Variants in LRRC4C observed in about 807,000 individuals in gnomAD.
LRRC4C encodes the protein leucine rich repeat containing 4C, also known as leucine-rich repeat-containing protein 4C.
A neutral mutation model predicts 33.6 loss-of-function variants in LRRC4C; 5 were observed. The observed-to-expected ratio is 0.15, with a 90% CI of 0.08 to 0.31. The LOEUF (loss-of-function observed/expected upper bound fraction) is 0.31. Among genes scored for constraint, LRRC4C ranks in the 10% least tolerant of loss-of-function variants. The probability of loss-of-function intolerance (pLI) is 1.00; values close to 1 mark genes in which losing one functional copy is unlikely to be tolerated. For missense variants in LRRC4C, 560 were observed against 796.7 expected (o/e 0.70, Z 3.58); for synonymous variants, 329 against 302.0 (o/e 1.09, Z -0.93).
intron 1 of LRRC4C, among the ~76,000 whole-genome samples, chr11:41,038,855 G>A (rs996262): frequency 6.6e-6 from 1 of 151,920 alleles, no homozygotes; most frequent in Non-Finnish European, 1.5e-5. Flanking sequence ...GAAAAAACAA[G>A]AGGAAAGAGA....
At chr11:40,135,673 A>G (rs1856920780) in intron 6 of LRRC4C, among the ~76,000 whole-genome samples, 1 of 152,144 alleles carries the variant, frequency 6.6e-6, no homozygotes, top group South Asian at 2.1e-4. Flanking sequence ...TTTTCCCACC[A>G]TGTCTTTATT....
At chr11:41,168,901 G>A (rs1359535666) in intron 1 of LRRC4C, among the ~76,000 whole-genome samples, 1 of 152,122 alleles carries the variant, frequency 6.6e-6, no homozygotes, top group African/African-American at 2.4e-5. Context: ...AAGCAGATTT[G>A]AGACAGAAGT....
At chr11:41,190,444 G>A (rs1243518282) in intron 1 of LRRC4C, among the ~76,000 whole-genome samples, 1 of 152,094 alleles carries the variant, frequency 6.6e-6, no homozygotes, top group African/African-American at 2.4e-5. Flanking sequence ...AACATCTCTC[G>A]GGCAGGGTTT....
chr11:41,345,020 A>T (rs969372340), intron 1 of LRRC4C, among the ~76,000 whole-genome samples: 2 of 152,138 alleles, frequency 1.3e-5, no homozygotes. Context: ...CTATTAACCC[A>T]TGATGGTTTG....
chr11:41,304,693 G>A (rs1244575490), intron 1 of LRRC4C, among the ~76,000 whole-genome samples: 1 of 88,270 alleles, frequency 1.1e-5, no homozygotes, highest in African/African-American at 4.3e-5. Context: ...CCCCCGCCCG[G>A]CCAGCCACCC....
At chr11:40,766,586 A>G (rs986916559) in intron 2 of LRRC4C, among the ~76,000 whole-genome samples, 2 of 151,968 alleles carry the variant, frequency 1.3e-5, no homozygotes, top group Admixed American at 1.3e-4. Context: ...TATACATAGA[A>G]ACAATAAAAA....
intron 2 of LRRC4C, among the ~76,000 whole-genome samples, chr11:40,806,814 C>T (rs1469904352): frequency 6.6e-6 from 1 of 152,132 alleles, no homozygotes; most frequent in East Asian, 1.9e-4. Context: ...AAACATACCA[C>T]TATGCAGGCA....
chr11:40,193,644 A>G (rs1862024864), intron 5 of LRRC4C, among the ~76,000 whole-genome samples: 2 of 152,136 alleles, frequency 1.3e-5, no homozygotes, highest in Non-Finnish European at 2.9e-5. Flanking sequence ...AAGGTGGGTA[A>G]TAACAAACTC....
chr11:40,913,353 G>C (rs1956786266), intron 2 of LRRC4C, among the ~76,000 whole-genome samples: 1 of 152,174 alleles, frequency 6.6e-6, no homozygotes, highest in Non-Finnish European at 1.5e-5. Flanking sequence ...CTGTCTCTTA[G>C]ACCACAGTGC....
chr11:40,174,236 G>A (rs1347968180), intron 5 of LRRC4C, among the ~76,000 whole-genome samples: 1 of 152,170 alleles, frequency 6.6e-6, no homozygotes, highest in Non-Finnish European at 1.5e-5. Flanking sequence ...GATGCCTTGT[G>A]TTATGCGAAG....
intron 3 of LRRC4C, among the ~76,000 whole-genome samples, chr11:40,342,447 G>A (rs1332816913): frequency 1.3e-5 from 2 of 151,998 alleles, no homozygotes; most frequent in African/African-American, 2.4e-5. Context: ...CCAGCCTGGC[G>A]GCAGAGTGAG....
intron 3 of LRRC4C, among the ~76,000 whole-genome samples, chr11:40,473,101 C>G (rs1953025047): frequency 6.6e-6 from 1 of 152,164 alleles, no homozygotes; most frequent in African/African-American, 2.4e-5. Flanking sequence ...CTAACTCATT[C>G]TATGAAACCA....
intron 2 of LRRC4C, among the ~76,000 whole-genome samples, chr11:40,758,144 T>C (rs1949035694): frequency 6.6e-6 from 1 of 152,064 alleles, no homozygotes; most frequent in Non-Finnish European, 1.5e-5. Context: ...AAACATTTCC[T>C]GGGCATCTTT....
intron 2 of LRRC4C, among the ~76,000 whole-genome samples, chr11:40,830,663 G>T (rs1565110324): frequency 6.6e-6 from 1 of 152,066 alleles, no homozygotes; most frequent in African/African-American, 2.4e-5. Flanking sequence ...GTTGTGAGTT[G>T]TTTTATGTCA....
chr11:40,275,462 G>A (rs1943035139), intron 4 of LRRC4C, among the ~76,000 whole-genome samples: 1 of 152,074 alleles, frequency 6.6e-6, no homozygotes. Flanking sequence ...GAACATAAAA[G>A]CAGGCAGCCC....
intron 1 of LRRC4C, among the ~76,000 whole-genome samples, chr11:40,972,961 A>C (rs532634921): frequency 6.6e-6 from 1 of 152,224 alleles, no homozygotes; most frequent in South Asian, 2.1e-4. Flanking sequence ...TCTCATGTTT[A>C]ACACCATCCC....
intron 3 of LRRC4C, among the ~76,000 whole-genome samples, chr11:40,361,391 A>C (rs183420906): frequency 1.3e-5 from 2 of 152,298 alleles, no homozygotes; most frequent in Non-Finnish European, 1.5e-5. Context: ...ATGTGCAAAA[A>C]TTGCCAGCAT....
intron 5 of LRRC4C, among the ~76,000 whole-genome samples, chr11:40,148,257 G>A (rs10837351): frequency 0.52 from 79,016 of 152,002 alleles, 22,398 homozygotes; most frequent in Non-Finnish European, 0.65. Context: ...AAGAATTGCC[G>A]CACTGTTTTC....
At chr11:40,278,764 A>G (rs1349148548) in intron 4 of LRRC4C, among the ~76,000 whole-genome samples, 1 of 149,174 alleles carries the variant, frequency 6.7e-6, no homozygotes, top group Non-Finnish European at 1.5e-5. Context: ...TGTCCTTCTC[A>G]CTCTCTACCA....
Sources: allele counts gnomAD v4.1 joint callset (sites outside exome capture counted in the v4.1 genomes callset), GRCh38; gene constraint gnomAD v4.1.1; transcripts MANE v1.5; gene names NCBI Gene and HGNC (gene_info 2026-07-23, HGNC 2026-07-21).